The following CCDC178 variants were observed in gnomAD, a reference collection of about 807,000 sequenced individuals.
CCDC178 encodes coiled-coil domain containing 178, also known as coiled-coil domain-containing protein 178.
In CCDC178, 126 loss-of-function variants were observed where a neutral mutation model predicts 117.4. The ratio of observed to expected loss-of-function variants is 1.07; its 90% CI spans 0.93 to 1.24. The LOEUF (loss-of-function observed/expected upper bound fraction) is 1.24. Ranked by LOEUF, CCDC178 falls within the 50% of genes most tolerant of loss-of-function variation. The probability of loss-of-function intolerance (pLI) is 0.00; values close to 1 mark genes in which losing one functional copy is unlikely to be tolerated. For missense variants in CCDC178, 1,030 were observed against 986.9 expected (o/e 1.04, Z -0.59); for synonymous variants, 283 against 313.4 (o/e 0.90, Z 1.02).
intron 7 of CCDC178, among the ~76,000 whole-genome samples, chr18:33,351,018 T>C (rs541413973): frequency 6.6e-6 from 1 of 152,288 alleles, no homozygotes; most frequent in East Asian, 1.9e-4. Flanking sequence ...CTCATAAATA[T>C]CCTTTATTGT....
At position 33,015,639 on chromosome 18, in the gene CCDC178, GA is replaced by G. The variant is rs58132060; in HGVS notation, c.2389-40959del. ...CTAATTGGGGAAAATATGGTAAATA[GA>G]AAAAAAAAAAATCCAAAAAGCCCAG... On this transcript the variant is annotated intron_variant, in intron 21 of 22. Transcript: ENST00000383096. 6.6e-3 allele frequency among the ~76,000 whole-genome samples: 879 copies of G among 133,042 alleles called. 4 individuals carry two copies. Among genetic ancestry groups the G allele is most frequent in the South Asian group, 0.01 (45 of 4,326 alleles). The allele number at this position is 133,042 out of a possible 152,430, so 87.3% of individuals were successfully genotyped here.
intron 22 of CCDC178, among the ~76,000 whole-genome samples, chr18:32,959,366 C>A (rs1047215480): frequency 6.6e-6 from 1 of 152,056 alleles, no homozygotes; most frequent in African/African-American, 2.4e-5. Context: ...ATACATAGTG[C>A]ATTGAACTTT....
chr18:33,316,426 CCGGA>C (rs2062418437), intron 11 of CCDC178, among the ~76,000 whole-genome samples: 1 of 152,232 alleles, frequency 6.6e-6, no homozygotes, highest in South Asian at 2.1e-4. Flanking sequence ...AGGCAGCGCT[CCGGA>C]CCTGCAGCCT....
chr18:32,957,194 C>A (rs1467087054), intron 22 of CCDC178, among the ~76,000 whole-genome samples: 2 of 152,130 alleles, frequency 1.3e-5, no homozygotes, highest in Non-Finnish European at 2.9e-5. Context: ...TAAGAACATG[C>A]ATTTAATTTA....
At chr18:33,097,385 T>A (rs530737512) in intron 20 of CCDC178, among the ~76,000 whole-genome samples, 1 of 152,234 alleles carries the variant, frequency 6.6e-6, no homozygotes, top group African/African-American at 2.4e-5. Flanking sequence ...GTCATCCAAC[T>A]GATGTCCAGA....
intron 20 of CCDC178, among the ~76,000 whole-genome samples, chr18:33,175,050 TG>T (rs199693786): frequency 1.1e-4 from 16 of 143,344 alleles, no homozygotes; most frequent in African/African-American, 4.2e-4. Context: ...TTATTTTTTT[TG>T]GTATTTTTAG....
At chr18:33,050,703 C>A (rs529325193) in intron 21 of CCDC178, among the ~76,000 whole-genome samples, 10 of 152,232 alleles carry the variant, frequency 6.6e-5, no homozygotes, top group African/African-American at 2.4e-4. Flanking sequence ...AATAACAAAT[C>A]TTATTGTTAG....
chr18:33,227,525 T>C (rs1274557132), intron 15 of CCDC178, among the ~76,000 whole-genome samples: 1 of 121,496 alleles, frequency 8.2e-6, no homozygotes, highest in Non-Finnish European at 1.7e-5. Flanking sequence ...ATTCAAAAGA[T>C]ATATGTATGT....
chr18:32,991,181 C>T (rs2055382294), intron 21 of CCDC178, among the ~76,000 whole-genome samples: 1 of 152,100 alleles, frequency 6.6e-6, no homozygotes, highest in African/African-American at 2.4e-5. Flanking sequence ...TAATATACTA[C>T]ATAGTGGTAA....
chr18:33,355,750 AAC>A (rs1455461806), intron 7 of CCDC178, among the ~76,000 whole-genome samples: 11 of 152,276 alleles, frequency 7.2e-5, no homozygotes, highest in African/African-American at 1.2e-4. Context: ...GCTTTTTGCA[AAC>A]ACTGCCTGTA....
chr18:33,335,305 T>C (rs1257455496), intron 9 of CCDC178, among the ~76,000 whole-genome samples: 1 of 152,058 alleles, frequency 6.6e-6, no homozygotes, highest in Non-Finnish European at 1.5e-5. Context: ...ATGATACTTT[T>C]AATGATTTTT....
intron 9 of CCDC178, among the ~76,000 whole-genome samples, chr18:33,338,225 TG>T (rs2062767965): frequency 6.6e-6 from 1 of 152,130 alleles, no homozygotes; most frequent in African/African-American, 2.4e-5. Flanking sequence ...CCTGCAAGTA[TG>T]TCCATAATAA....
At chr18:33,222,985 C>A in intron 18 of CCDC178, 121 bp downstream of exon 18, 1 of 689,470 alleles carries the variant, frequency 1.5e-6, no homozygotes, top group Non-Finnish European at 2.3e-6. Context: ...TATCCCTAGT[C>A]GATTTAGTGC....
At position 33,224,137 on chromosome 18, in the gene CCDC178, A is replaced by T. The variant is rs191882938; in HGVS notation, c.1818+638T>A. On this transcript the variant is annotated intron_variant, in intron 17 of 22. Coordinates refer to ENST00000383096, the MANE Select transcript of CCDC178 (RefSeq NM_001105528.4). ...TATAAAGTTACATTATTATTTGCAA[A>T]GGAAAAAAGTTCTGGTGCCGAAATG... Among the ~76,000 whole-genome samples the T allele has an allele frequency of 5.9e-3, 900 of 152,286 alleles. 6 individuals carry two copies. The highest frequency in any genetic ancestry group is 0.034 in the Middle Eastern group (10 of 294).
intron 5 of CCDC178, among the ~76,000 whole-genome samples, chr18:33,384,095 A>C (rs2063468536): frequency 6.6e-6 from 1 of 152,108 alleles, no homozygotes; most frequent in Admixed American, 6.6e-5. Context: ...GAATCGATCA[A>C]GCAGAAGAGA....
At chr18:33,184,331 A>C (rs992755998) in intron 20 of CCDC178, among the ~76,000 whole-genome samples, 1 of 152,028 alleles carries the variant, frequency 6.6e-6, no homozygotes, top group African/African-American at 2.4e-5. Flanking sequence ...TATTGTACAG[A>C]ATAAGAGGAA....
At chr18:33,088,004 A>G (rs2057407485) in intron 21 of CCDC178, among the ~76,000 whole-genome samples, 1 of 152,166 alleles carries the variant, frequency 6.6e-6, no homozygotes, top group African/African-American at 2.4e-5. Context: ...ATGTTGTCCA[A>G]TGAGACCTAG....
At chr18:33,015,432 G>A (rs1006743260) in intron 21 of CCDC178, among the ~76,000 whole-genome samples, 1 of 152,028 alleles carries the variant, frequency 6.6e-6, no homozygotes, top group Non-Finnish European at 1.5e-5. Flanking sequence ...GGGCGTGGTG[G>A]CAGATGCCTG....
At chr18:33,160,577 G>C (rs2058450744) in intron 20 of CCDC178, among the ~76,000 whole-genome samples, 1 of 152,038 alleles carries the variant, frequency 6.6e-6, no homozygotes, top group Non-Finnish European at 1.5e-5. Flanking sequence ...AATAGCAAAG[G>C]TATTTCTCTC....
Sources: allele counts gnomAD v4.1 joint callset (sites outside exome capture counted in the v4.1 genomes callset), GRCh38; gene constraint gnomAD v4.1.1; transcripts MANE v1.5; gene names NCBI Gene and HGNC (gene_info 2026-07-23, HGNC 2026-07-21).